RSRC1: variants seen among roughly 807,000 people sequenced by gnomAD.
The protein encoded by RSRC1 is arginine and serine rich coiled-coil 1.
In RSRC1, 39 loss-of-function variants were observed where a neutral mutation model predicts 49.1. The observed-to-expected ratio is 0.79, with a 90% CI of 0.61 to 1.04. The LOEUF (loss-of-function observed/expected upper bound fraction) is 1.04, where lower values mean the gene tolerates loss of function less well. Among genes scored for constraint, RSRC1 ranks in the 50% least tolerant of loss-of-function variants. The probability of loss-of-function intolerance (pLI) is 0.00; values close to 1 mark genes in which losing one functional copy is unlikely to be tolerated. For missense variants in RSRC1, 388 were observed against 402.4 expected, an observed-to-expected ratio of 0.96 and a Z score of 0.31; for synonymous variants, 143 against 130.8, an observed-to-expected ratio of 1.09 and a Z score of -0.63.
chr3:158,285,659 G>A (rs574064021), intron 4 of RSRC1, among the ~76,000 whole-genome samples: 35 of 152,170 alleles, frequency 2.3e-4, no homozygotes, highest in African/African-American at 7.2e-4. Context: ...AAGCAATTGT[G>A]AATGGGAGTT....
At chr3:158,316,180 AAAAAAGCTGAT>A (rs1728431528) in intron 5 of RSRC1, among the ~76,000 whole-genome samples, 1 of 152,108 alleles carries the variant, frequency 6.6e-6, no homozygotes, top group Non-Finnish European at 1.5e-5. Context: ...TCAAAAAAAA[AAAAAAGCTGAT>A]AATAAAAAGA....
chr3:158,185,581 A>G (rs1200095608), intron 3 of RSRC1, among the ~76,000 whole-genome samples: 1 of 151,930 alleles, frequency 6.6e-6, no homozygotes, highest in African/African-American at 2.4e-5. Context: ...CTATATTTAA[A>G]GTAATGATTT....
chr3:158,227,114 G>A (rs1426061286), intron 4 of RSRC1, among the ~76,000 whole-genome samples: 1 of 151,836 alleles, frequency 6.6e-6, no homozygotes, highest in Non-Finnish European at 1.5e-5. Flanking sequence ...TAATATCTAA[G>A]GTTTCCTTTA....
At chr3:158,232,601 G>A (rs142617268) in intron 4 of RSRC1, among the ~76,000 whole-genome samples, 1 of 152,126 alleles carries the variant, frequency 6.6e-6, no homozygotes, top group East Asian at 1.9e-4. Flanking sequence ...ATACGTAGAA[G>A]TGAACTATGG....
intron 6 of RSRC1, among the ~76,000 whole-genome samples, chr3:158,372,831 A>G (rs1732156137): frequency 6.6e-6 from 1 of 151,900 alleles, no homozygotes; most frequent in Admixed American, 6.6e-5. Context: ...ATCCACGGAC[A>G]TGGTATAGCT....
chr3:158,256,207 A>G (rs1487730233), intron 4 of RSRC1, among the ~76,000 whole-genome samples: 6 of 152,118 alleles, frequency 3.9e-5, no homozygotes, highest in African/African-American at 1.4e-4. Context: ...TTTATCATAA[A>G]TAGCTCTTAT....
chr3:158,379,822 A>G (rs1476476394), intron 6 of RSRC1, among the ~76,000 whole-genome samples: 1 of 151,194 alleles, frequency 6.6e-6, no homozygotes, highest in Non-Finnish European at 1.5e-5. Flanking sequence ...ATGCACACAC[A>G]CACACACACA....
intron 4 of RSRC1, among the ~76,000 whole-genome samples, chr3:158,288,670 A>G (rs952233641): frequency 2.0e-5 from 3 of 152,184 alleles, no homozygotes; most frequent in African/African-American, 4.8e-5. Context: ...AGTCCCTCAT[A>G]TAAAATGGCA....
intron 3 of RSRC1, among the ~76,000 whole-genome samples, chr3:158,191,169 G>A (rs1168875697): frequency 6.6e-6 from 1 of 151,682 alleles, no homozygotes; most frequent in African/African-American, 2.4e-5. Flanking sequence ...TTTCCAAAGC[G>A]CATCACTCCT....
Position 158,123,915 on chromosome 3 carries a change from C to A in RSRC1, c.244C>A (p.Arg82=). The A allele has an allele frequency of 6.2e-7, 1 of 1,612,462 alleles. No homozygotes were observed. Among genetic ancestry groups the A allele is most frequent in the South Asian group, 1.1e-5 (1 of 90,996 alleles). ...CTCTTCTTATGGCTCCAGAAGGAAACGAAGTCGAAGTCGTTCAAGGGGTCG... is the reference window on the plus strand; with the variant it reads ...CTCTTCTTATGGCTCCAGAAGGAAAAGAAGTCGAAGTCGTTCAAGGGGTCG... ...SSSSYGSRRK[R]SRSRSRGRGK... is the part of the protein sequence containing the mutation. Residue 82 remains arginine (R), a synonymous_variant, in exon 3 of 10, where the codon CGA becomes AGA. Coordinates refer to ENST00000611884, the MANE Select transcript of RSRC1 (RefSeq NM_001271838.2).
intron 7 of RSRC1, among the ~76,000 whole-genome samples, chr3:158,482,763 T>C (rs1738663871): frequency 6.6e-6 from 1 of 152,056 alleles, no homozygotes; most frequent in Non-Finnish European, 1.5e-5. Flanking sequence ...CTTAAAGTTA[T>C]TATTTCCCAA....
intron 4 of RSRC1, among the ~76,000 whole-genome samples, chr3:158,221,829 T>C (rs1421436272): frequency 6.6e-6 from 1 of 151,534 alleles, no homozygotes; most frequent in Non-Finnish European, 1.5e-5. Flanking sequence ...AGAGTCTTCA[T>C]ACTTAATTTT....
At chr3:158,218,139 G>A (rs1289586746) in intron 4 of RSRC1, among the ~76,000 whole-genome samples, 1 of 151,624 alleles carries the variant, frequency 6.6e-6, no homozygotes, top group East Asian at 1.9e-4. Context: ...TGTAAACCTG[G>A]TTAAGGATTT....
intron 6 of RSRC1, among the ~76,000 whole-genome samples, chr3:158,406,333 G>C (rs573401582): frequency 1.2e-4 from 19 of 152,166 alleles, no homozygotes; most frequent in African/African-American, 4.3e-4. Flanking sequence ...AACCAGCACA[G>C]TTAGCCACAT....
At chr3:158,442,662 G>A (rs1490376132) in intron 6 of RSRC1, among the ~76,000 whole-genome samples, 5 of 151,978 alleles carry the variant, frequency 3.3e-5, no homozygotes, top group Non-Finnish European at 7.4e-5. Flanking sequence ...CTCCTCCCAG[G>A]AATCACAAAT....
intron 3 of RSRC1, among the ~76,000 whole-genome samples, chr3:158,126,250 C>T (rs112692403): frequency 0.016 from 2,375 of 152,048 alleles, 40 homozygotes; most frequent in Non-Finnish European, 0.026. Flanking sequence ...CTTACTGTTG[C>T]CATTTTGTTG....
intron 4 of RSRC1, among the ~76,000 whole-genome samples, chr3:158,254,581 G>A (rs1285593852): frequency 6.6e-5 from 10 of 152,128 alleles, no homozygotes; most frequent in Middle Eastern, 3.4e-3. Context: ...ACAGGCGGCC[G>A]CCAGCACGCC....
Position 158,242,032 on chromosome 3 carries a change from C to CTTTT in RSRC1, c.494+38810_494+38813dup, listed in dbSNP as rs34356543. Among the ~76,000 whole-genome samples the CTTTT allele has an allele frequency of 7.0e-3, 465 of 66,502 alleles. 55 individuals carry two copies. The highest frequency in any genetic ancestry group is 0.029 in the African/African-American group (440 of 15,198). The allele number at this position is 66,502 out of a possible 152,430, so 43.6% of individuals were successfully genotyped here. On this transcript the variant is annotated intron_variant, in intron 4 of 9. Transcript: ENST00000611884. ...TTCTTTGTTTTTCTTAATTTCCAAC[C>CTTTT]TTTTTTTTTTTTTTTTTTTTTTTTT...
intron 6 of RSRC1, among the ~76,000 whole-genome samples, chr3:158,378,246 T>A (rs923754317): frequency 6.6e-6 from 1 of 152,234 alleles, no homozygotes; most frequent in Non-Finnish European, 1.5e-5. Context: ...TTGAGCATAG[T>A]TATAATGGCT....
Sources: allele counts gnomAD v4.1 joint callset (sites outside exome capture counted in the v4.1 genomes callset), GRCh38; gene constraint gnomAD v4.1.1; transcripts MANE v1.5; gene names NCBI Gene and HGNC (gene_info 2026-07-23, HGNC 2026-07-21).